FAAH2: variants seen among roughly 807,000 people sequenced by gnomAD.
The protein encoded by FAAH2 is fatty-acid amide hydrolase 2.
Under a neutral mutation model 36.9 loss-of-function variants are expected in FAAH2, and 60 were observed. The observed-to-expected ratio is 1.63, with a 90% CI of 1.32 to 2.02. The LOEUF (loss-of-function observed/expected upper bound fraction) is 2.02, where lower values mean the gene tolerates loss of function less well. FAAH2 is among the 30% of genes most tolerant of loss of function. The pLI is 0.00. For synonymous variants in FAAH2, 214 were observed against 143.8 expected, an observed-to-expected ratio of 1.49 and a Z score of -3.49; for missense variants, 689 against 397.5, an observed-to-expected ratio of 1.73 and a Z score of -6.23.
At chrX:57,452,867 A>G (rs965623947) in intron 10 of FAAH2, among the ~76,000 whole-genome samples, 2 of 112,093 alleles carry the variant, frequency 1.8e-5, no homozygotes, top group African/African-American at 6.5e-5. Flanking sequence ...GGAGTCTATG[A>G]TATTTAAGCT....
intron 5 of FAAH2, among the ~76,000 whole-genome samples, chrX:57,357,396 C>A (rs1033381249): frequency 1.8e-5 from 2 of 111,465 alleles, no homozygotes; most frequent in African/African-American, 6.5e-5. Context: ...AGTGAACAGG[C>A]AGCCTATAGA....
At chrX:57,481,815 A>C (rs1371691855) in intron 10 of FAAH2, among the ~76,000 whole-genome samples, 1 of 112,227 alleles carries the variant, frequency 8.9e-6, no homozygotes, top group Non-Finnish European at 1.9e-5. Context: ...CTTCAGAGCC[A>C]GCAGGCCAGA....
At chrX:57,251,551 TA>T in the FAAH2 span, among the ~76,000 whole-genome samples, 4 of 111,832 alleles carry the variant, frequency 3.6e-5, no homozygotes, top group Admixed American at 3.8e-4. Context: ...GGAAACGAGT[TA>T]AAATGTCTCT....
chrX:57,241,523 C>T, the FAAH2 span, among the ~76,000 whole-genome samples: 2 of 111,616 alleles, frequency 1.8e-5, no homozygotes, highest in Non-Finnish European at 3.8e-5. Flanking sequence ...AAATAGCTAC[C>T]TTTATTTGTA....
At chrX:57,367,357 C>A (rs1211705555) in intron 5 of FAAH2, among the ~76,000 whole-genome samples, 2 of 111,965 alleles carry the variant, frequency 1.8e-5, no homozygotes, top group African/African-American at 6.5e-5. Flanking sequence ...AGTGGCTGCA[C>A]CTTAGCATGA....
the FAAH2 span, among the ~76,000 whole-genome samples, chrX:57,158,143 C>T: frequency 9.0e-6 from 1 of 111,523 alleles, no homozygotes; most frequent in African/African-American, 3.3e-5. Context: ...ATGATGGTTT[C>T]CAGCTTCATC....
At chrX:57,474,002 GATT>G (rs779140939) in intron 10 of FAAH2, among the ~76,000 whole-genome samples, 1 of 111,299 alleles carries the variant, frequency 9.0e-6, no homozygotes, top group South Asian at 3.8e-4. Flanking sequence ...TTACATGCAA[GATT>G]AATATTGATA....
the FAAH2 span, among the ~76,000 whole-genome samples, chrX:57,151,879 C>A: frequency 1.8e-5 from 2 of 111,273 alleles, no homozygotes; most frequent in Non-Finnish European, 3.8e-5. Flanking sequence ...TTTTCCCCAT[C>A]TTTGTGGTTT....
At chrX:57,454,633 A>C (rs1406077515) in intron 10 of FAAH2, among the ~76,000 whole-genome samples, 1 of 111,850 alleles carries the variant, frequency 8.9e-6, no homozygotes, top group Non-Finnish European at 1.9e-5. Flanking sequence ...GGAACTGAAA[A>C]ATTTACTTCC....
At chrX:57,426,303 A>C (rs1480258743) in intron 7 of FAAH2, among the ~76,000 whole-genome samples, 2 of 112,189 alleles carry the variant, frequency 1.8e-5, no homozygotes, top group Non-Finnish European at 3.8e-5. Flanking sequence ...TAGCAATACA[A>C]TAATAGCTGG....
chrX:57,132,933 G>C, the FAAH2 span, among the ~76,000 whole-genome samples: 1 of 111,870 alleles, frequency 8.9e-6, no homozygotes, highest in Non-Finnish European at 1.9e-5. Flanking sequence ...CATCCTCCTT[G>C]CTCCTCAAAC....
In FAAH2 at chrX:57,382,127, C is replaced by T. The variant is rs142233219; in HGVS notation, c.996+1098C>T. 7.9e-3 allele frequency among the ~76,000 whole-genome samples: 875 copies of T among 111,157 alleles called. 12 individuals are homozygous for T. Among genetic ancestry groups the T allele is most frequent in the African/African-American group, 0.027 (818 of 30,554 alleles). Reference sequence around the variant, plus strand: ...AAAAAAAGATGTTCTTTGAAACCAACGAGAACAAAGACACAACATACCAGA... The same window carrying T: ...AAAAAAAGATGTTCTTTGAAACCAATGAGAACAAAGACACAACATACCAGA... On this transcript the variant is annotated intron_variant, in intron 7 of 10. Coordinates refer to ENST00000374900, the MANE Select transcript of FAAH2 (RefSeq NM_174912.4).
the FAAH2 span, among the ~76,000 whole-genome samples, chrX:57,261,864 C>G: frequency 9.9e-5 from 11 of 110,955 alleles, no homozygotes; most frequent in East Asian, 3.1e-3. Context: ...AAAGGCTTAA[C>G]TAAGGCATTG....
At chrX:57,475,053 C>T (rs1336318730) in intron 10 of FAAH2, among the ~76,000 whole-genome samples, 4 of 111,623 alleles carry the variant, frequency 3.6e-5, no homozygotes, top group African/African-American at 9.8e-5. Context: ...TTTTTTGTAT[C>T]TTTCTTGAAA....
the FAAH2 span, among the ~76,000 whole-genome samples, chrX:57,231,466 A>AT: frequency 9.0e-6 from 1 of 111,189 alleles, no homozygotes; most frequent in African/African-American, 3.3e-5. Context: ...TATTTTGCCT[A>AT]TTTTTTAGCT....
At chrX:57,486,308 A>C (rs2057473004) in intron 10 of FAAH2, among the ~76,000 whole-genome samples, 1 of 111,373 alleles carries the variant, frequency 9.0e-6, no homozygotes, top group Non-Finnish European at 1.9e-5. Context: ...CTTAAAGAGA[A>C]TATTAAGTGT....
intron 7 of FAAH2, among the ~76,000 whole-genome samples, chrX:57,403,938 G>A (rs2055502427): frequency 8.9e-6 from 1 of 112,862 alleles, no homozygotes; most frequent in South Asian, 3.6e-4. Flanking sequence ...AGATTTTTAA[G>A]TTAGTAAGCT....
chrX:57,275,989 C>T, the FAAH2 span, among the ~76,000 whole-genome samples: 2 of 111,293 alleles, frequency 1.8e-5, no homozygotes, highest in Non-Finnish European at 3.8e-5. Flanking sequence ...CTTTAACACC[C>T]CACTGTCCAT....
rs187439166 is a variant in FAAH2, at chrX:57,462,588, G to A, written c.1423+13870G>A. Among the ~76,000 whole-genome samples the A allele has an allele frequency of 3.6e-5, 4 of 112,159 alleles. No individual in the cohort carries two copies. The East Asian group carries it at 1.1e-3, about 31-fold the overall frequency. On this transcript the variant is annotated intron_variant, in intron 10 of 10. Coordinates refer to ENST00000374900, the MANE Select transcript of FAAH2 (RefSeq NM_174912.4). ...GATTATCTCAATAGATGCAGAAAAA[G>A]CCTTCAATAAAATTAAACACCGCTT...
Sources: gnomAD v4.1 joint callset for allele counts (sites outside exome capture counted in the v4.1 genomes callset) on GRCh38, gnomAD v4.1.1 for gene constraint, MANE v1.5 for transcripts, NCBI Gene and HGNC (gene_info 2026-07-23, HGNC 2026-07-21) for gene names.